ERC2: variants seen among roughly 807,000 people sequenced by gnomAD.
ERC2 encodes ELKS/RAB6-interacting/CAST family member 2.
In ERC2, 42 loss-of-function variants were observed where a neutral mutation model predicts 114.8. The ratio of observed to expected loss-of-function variants is 0.37; its 90% CI spans 0.29 to 0.47. ERC2 has a LOEUF of 0.47. ERC2 is among the 20% of genes least tolerant of loss of function. The pLI is 0.99. For missense variants in ERC2, 939 were observed against 1,150.7 expected (o/e 0.82, Z 2.66); for synonymous variants, 454 against 425.5 (o/e 1.07, Z -0.82).
At chr3:55,943,362 A>C (rs1357404537) in intron 13 of ERC2, among the ~76,000 whole-genome samples, 2 of 152,192 alleles carry the variant, frequency 1.3e-5, no homozygotes, top group Non-Finnish European at 2.9e-5. Context: ...AGAATAGAAG[A>C]AGATATAGAT....
chr3:55,527,271 A>T (rs2053387187), intron 17 of ERC2, among the ~76,000 whole-genome samples: 1 of 152,204 alleles, frequency 6.6e-6, no homozygotes, highest in South Asian at 2.1e-4. Flanking sequence ...TCTAAAGCAT[A>T]GAGGTGTTGA....
intron 2 of ERC2, among the ~76,000 whole-genome samples, chr3:56,407,683 C>A (rs892759361): frequency 6.6e-6 from 1 of 152,148 alleles, no homozygotes; most frequent in Non-Finnish European, 1.5e-5. Flanking sequence ...GTAATTTCCA[C>A]CCTGACTGCA....
At chr3:56,427,214 A>G (rs1397435194) in intron 2 of ERC2, among the ~76,000 whole-genome samples, 2 of 151,206 alleles carry the variant, frequency 1.3e-5, no homozygotes, top group African/African-American at 4.9e-5. Context: ...AAAATTGGTG[A>G]GTTAAGCAAC....
intron 3 of ERC2, among the ~76,000 whole-genome samples, chr3:56,239,188 T>C (rs1322351154): frequency 4.6e-5 from 7 of 152,198 alleles, no homozygotes; most frequent in African/African-American, 1.7e-4. Context: ...ATGAAGAGAT[T>C]ACCCTAAGAC....
chr3:55,745,523 G>C (rs940084188), intron 14 of ERC2, among the ~76,000 whole-genome samples: 1 of 152,244 alleles, frequency 6.6e-6, no homozygotes, highest in Admixed American at 6.5e-5. Context: ...AATGTTAGAT[G>C]ATGGTGCTTG....
At chr3:55,895,426 A>G (rs1041366772) in intron 13 of ERC2, among the ~76,000 whole-genome samples, 3 of 152,286 alleles carry the variant, frequency 2.0e-5, no homozygotes, top group South Asian at 4.1e-4. Flanking sequence ...AAGCAGCCAC[A>G]CAGAATTGAC....
At chr3:55,775,092 C>T (rs577386275) in intron 14 of ERC2, among the ~76,000 whole-genome samples, 2 of 152,292 alleles carry the variant, frequency 1.3e-5, no homozygotes, top group East Asian at 3.9e-4. Context: ...TCAAATGTCC[C>T]CACACATGTC....
intron 14 of ERC2, among the ~76,000 whole-genome samples, chr3:55,782,674 C>T (rs759336840): frequency 7.2e-5 from 11 of 152,174 alleles, no homozygotes; most frequent in Non-Finnish European, 1.2e-4. Context: ...GAGCAAAGAT[C>T]GTATCACTAC....
intron 3 of ERC2, among the ~76,000 whole-genome samples, chr3:56,284,529 G>A (rs2054552215): frequency 6.6e-6 from 1 of 152,314 alleles, no homozygotes; most frequent in South Asian, 2.1e-4. Flanking sequence ...AAATTATTCC[G>A]AAGTTTGGTG....
At chr3:56,411,768 G>A (rs941234254) in intron 2 of ERC2, among the ~76,000 whole-genome samples, 2 of 152,124 alleles carry the variant, frequency 1.3e-5, no homozygotes, top group South Asian at 2.1e-4. Context: ...GAGTAGCAGA[G>A]CCAGGACTTG....
At chr3:56,060,749 A>T (rs1179801958) in intron 7 of ERC2, among the ~76,000 whole-genome samples, 1 of 152,136 alleles carries the variant, frequency 6.6e-6, no homozygotes, top group Non-Finnish European at 1.5e-5. Flanking sequence ...ATTGTAATTT[A>T]TTACAACAGC....
At chr3:56,262,407 G>A (rs2053000220) in intron 3 of ERC2, among the ~76,000 whole-genome samples, 1 of 152,212 alleles carries the variant, frequency 6.6e-6, no homozygotes, top group African/African-American at 2.4e-5. Context: ...TAACAAAGAT[G>A]ATGGCAGAAG....
intron 13 of ERC2, among the ~76,000 whole-genome samples, chr3:55,891,461 T>C (rs1051364616): frequency 5.5e-5 from 7 of 128,046 alleles, no homozygotes; most frequent in African/African-American, 2.0e-4. Flanking sequence ...TTTTTTTTTT[T>C]TTTTGAGCTG....
At chr3:55,949,136 G>A (rs560922281) in intron 13 of ERC2, among the ~76,000 whole-genome samples, 16 of 152,130 alleles carry the variant, frequency 1.1e-4, no homozygotes, top group East Asian at 7.7e-4. Flanking sequence ...TTGGGAGGCC[G>A]AGGCGGGCGG....
intron 3 of ERC2, among the ~76,000 whole-genome samples, chr3:56,278,807 T>A (rs2054170744): frequency 6.6e-6 from 1 of 152,096 alleles, no homozygotes. Context: ...GAGGTGCCAG[T>A]TTCTTTTAAA....
At chr3:55,767,949 C>T (rs1174028863) in intron 14 of ERC2, among the ~76,000 whole-genome samples, 8 of 152,070 alleles carry the variant, frequency 5.3e-5, no homozygotes, top group Admixed American at 3.3e-4. Context: ...TGGTGGGAGG[C>T]GATTGGATCA....
At chr3:55,673,475 C>A (rs1237703752) in intron 17 of ERC2, among the ~76,000 whole-genome samples, 2 of 152,086 alleles carry the variant, frequency 1.3e-5, no homozygotes, top group African/African-American at 2.4e-5. Flanking sequence ...CCCAGCTACT[C>A]GGGAGGCTGA....
At chr3:55,579,393 C>G (rs1452312803) in intron 17 of ERC2, among the ~76,000 whole-genome samples, 1 of 152,118 alleles carries the variant, frequency 6.6e-6, no homozygotes, top group Non-Finnish European at 1.5e-5. Flanking sequence ...CTGGGTTAGA[C>G]AAGTTACAAC....
At chr3:55,630,940 G>A (rs2148626342) in intron 17 of ERC2, among the ~76,000 whole-genome samples, 1 of 148,544 alleles carries the variant, frequency 6.7e-6, no homozygotes, top group Admixed American at 6.7e-5. Flanking sequence ...AATCATGGCA[G>A]TAATGATCAG....
Sources: allele counts gnomAD v4.1 joint callset (sites outside exome capture counted in the v4.1 genomes callset), GRCh38; gene constraint gnomAD v4.1.1; transcripts MANE v1.5; gene names NCBI Gene and HGNC (gene_info 2026-07-23, HGNC 2026-07-21).